Variants in ZNF638 observed in about 807,000 individuals in gnomAD.
ZNF638 encodes zinc finger protein 638, also known as CTCL tumor antigen se33-1.
Under a neutral mutation model 195.6 loss-of-function variants are expected in ZNF638, and 46 were observed. The observed-to-expected ratio is 0.24, with a 90% CI of 0.19 to 0.30. The LOEUF is 0.30. ZNF638 is among the 10% of genes least tolerant of loss of function. The pLI, the probability that ZNF638 is intolerant of heterozygous loss-of-function variation, is 1.00. For missense variants in ZNF638, 2,440 were observed against 2,325.3 expected (o/e 1.05, Z -1.01); for synonymous variants, 845 against 772.0 (o/e 1.09, Z -1.57).
chr2:71,431,082 C>A (rs922278374), intron 25 of ZNF638: 5 of 362,358 alleles, frequency 1.4e-5, no homozygotes, highest in African/African-American at 1.0e-4. Flanking sequence ...TAAATTCTGC[C>A]TGGAACATAT....
chr2:71,350,551 A>G (rs2078922733), intron 2 of ZNF638, among the ~76,000 whole-genome samples: 1 of 152,230 alleles, frequency 6.6e-6, no homozygotes. Context: ...CATAAAATTT[A>G]TGTAACATAA....
In ZNF638 at chr2:71,434,868, T is replaced by C. The variant is rs1017092754; in HGVS notation, c.*61T>C. 13 of 1,409,022 alleles carry C rather than the reference T, an allele frequency of 9.2e-6. No individual in the cohort carries two copies. The African/African-American group carries it at 1.9e-4, about 21-fold the overall frequency. 87.3% of individuals were successfully genotyped at this position (1,409,022 alleles called of 1,614,324 possible). A position where few individuals can be genotyped will look rare whatever the true frequency, so the allele number is the denominator to read the frequency against. On this transcript the variant is annotated 3_prime_UTR_variant, in exon 28 of 28. Transcript: ENST00000264447. Reference sequence around the variant, plus strand: ...TAGGGTCCAGTTGATTTGTGTATTTTTGTTATCATTTAATTTGTAATTTTC... The same window carrying C: ...TAGGGTCCAGTTGATTTGTGTATTTCTGTTATCATTTAATTTGTAATTTTC...
At chr2:71,417,098 A>C (rs2080311778) in intron 20 of ZNF638, among the ~76,000 whole-genome samples, 1 of 124,870 alleles carries the variant, frequency 8.0e-6, no homozygotes, top group African/African-American at 3.1e-5. Flanking sequence ...TTGCAGTTTG[A>C]TCTCAGAGTG....
Position 71,332,772 on chromosome 2 carries a change from G to C in ZNF638, c.-203+897G>C, listed in dbSNP as rs558343962. The C allele has an allele frequency of 2.0e-5, 3 of 152,298 alleles. No individual in the cohort carries two copies. The South Asian group carries it at 6.2e-4, about 32-fold the overall frequency. The allele number at this position is 152,298 out of a possible 1,614,324, so 9.4% of individuals were successfully genotyped here. A position where few individuals can be genotyped will look rare whatever the true frequency, so the allele number is the denominator to read the frequency against. ...TCAGTATTACAAAATCATGGATTGA[G>C]CTATAGAGTGAAGGCTACCTGAAGC... is the stretch of plus-strand genomic sequence containing the variant. On this transcript the variant is annotated intron_variant, in intron 1 of 27. Coordinates refer to ENST00000264447, the MANE Select transcript of ZNF638 (RefSeq NM_014497.5).
intron 20 of ZNF638, chr2:71,408,713 T>G: frequency 2.2e-6 from 1 of 451,688 alleles, no homozygotes; most frequent in Non-Finnish European, 4.5e-6. Flanking sequence ...ATAGTCCACC[T>G]TTGAAAGCAT....
At chr2:71,399,051 C>CT (rs1283217913) in intron 12 of ZNF638, among the ~76,000 whole-genome samples, 1 of 152,128 alleles carries the variant, frequency 6.6e-6, no homozygotes, top group East Asian at 1.9e-4. Context: ...ATGGTTTAAT[C>CT]TTTGTTTCCT....
chr2:71,423,291 A>G lies in ZNF638; in HGVS notation c.3777A>G (p.Val1259=). ...TTTCTGGAATTACACAGACTATGGTAGAAGCTGTAGCTGAAGTAGAAAAAA... is the reference window on the plus strand; with the variant it reads ...TTTCTGGAATTACACAGACTATGGTGGAAGCTGTAGCTGAAGTAGAAAAAA... ...DFISGITQTM[V]EAVAEVEKNE... The change falls in exon 22 of 28, where the codon GTA becomes GTG. Residue 1259 remains valine, a synonymous_variant. Coordinates refer to ENST00000264447, the MANE Select transcript of ZNF638 (RefSeq NM_014497.5). 2 of 1,614,044 alleles carry G rather than the reference A, an allele frequency of 1.2e-6. No homozygotes were observed. The highest frequency in any genetic ancestry group is 1.7e-6 in the Non-Finnish European group (2 of 1,179,990).
intron 22 of ZNF638, 74 bp from the exon 23 acceptor site, chr2:71,424,576 T>G (rs938512065): frequency 1.5e-6 from 2 of 1,306,042 alleles, no homozygotes; most frequent in Non-Finnish European, 2.1e-6. Context: ...TTTTTGTTTT[T>G]TGTTTTTTTT....
At chr2:71,419,958 T>TCCCCCC (rs148198725) in intron 21 of ZNF638, among the ~76,000 whole-genome samples, 11 of 26,570 alleles carry the variant, frequency 4.1e-4, no homozygotes, top group Admixed American at 1.8e-3. Flanking sequence ...ACTTCTTAAT[T>TCCCCCC]CCCACCCCCC....
At chr2:71,421,591 A>G (rs1295240797) in intron 21 of ZNF638, among the ~76,000 whole-genome samples, 1 of 152,168 alleles carries the variant, frequency 6.6e-6, no homozygotes, top group Non-Finnish European at 1.5e-5. Context: ...GCACACAGAT[A>G]TACACCATCT....
At chr2:71,378,001 A>T (rs17749725) in intron 8 of ZNF638, among the ~76,000 whole-genome samples, 9 of 152,114 alleles carry the variant, frequency 5.9e-5, no homozygotes, top group Middle Eastern at 6.8e-3. Context: ...ATTTATTCTC[A>T]GACATGCATG....
intron 20 of ZNF638, among the ~76,000 whole-genome samples, chr2:71,417,507 T>A (rs2080324941): frequency 6.6e-6 from 1 of 152,234 alleles, no homozygotes; most frequent in Non-Finnish European, 1.5e-5. Flanking sequence ...CTCCCTGAGT[T>A]TTTTAAAAGG....
chr2:71,349,771 G>T lies in ZNF638; in HGVS notation c.817G>T (p.Asp273Tyr). The T allele has an allele frequency of 6.2e-7, 1 of 1,614,138 alleles. No individual in the cohort carries two copies. The highest frequency in any genetic ancestry group is 8.5e-7 in the Non-Finnish European group (1 of 1,180,034). Residue 273 changes from aspartate to tyrosine, a missense_variant, in exon 2 of 28, where the codon GAC (aspartate) becomes TAC (tyrosine). Asp to Tyr is a radical substitution (Grantham distance 160). Coordinates refer to ENST00000264447, the MANE Select transcript of ZNF638 (RefSeq NM_014497.5). ...TGTTGAAGACGTATTTCGCCAAATGGACTTCCCCGGTGAGTCCTCCAATAA... is the reference window on the plus strand; with the variant it reads ...TGTTGAAGACGTATTTCGCCAAATGTACTTCCCCGGTGAGTCCTCCAATAA... ...FPVEDVFRQM[D>Y]FPGESSNNRS... is the part of the protein sequence containing the mutation.
intron 24 of ZNF638, among the ~76,000 whole-genome samples, chr2:71,427,786 T>C (rs561686610): frequency 6.6e-6 from 1 of 152,316 alleles, no homozygotes; most frequent in South Asian, 2.1e-4. Context: ...AGACTTAGAA[T>C]TAAGAACTAT....
chr2:71,356,693 G>A (rs2079029057), intron 3 of ZNF638, among the ~76,000 whole-genome samples: 1 of 152,046 alleles, frequency 6.6e-6, no homozygotes, highest in Non-Finnish European at 1.5e-5. Flanking sequence ...GGAGGCTGAG[G>A]TGGTAGCATC....
intron 1 of ZNF638, among the ~76,000 whole-genome samples, chr2:71,333,647 G>GT (rs1381379955): frequency 6.6e-6 from 1 of 152,218 alleles, no homozygotes; most frequent in African/African-American, 2.4e-5. Flanking sequence ...GAGACAAGTA[G>GT]TTTAGTGGAA....
chr2:71,395,660 A>T, intron 10 of ZNF638: 1 of 514,668 alleles, frequency 1.9e-6, no homozygotes, highest in Non-Finnish European at 3.7e-6. Context: ...TTAAATCTGT[A>T]CTGAATAAAT....
At position 71,405,661 on chromosome 2, in the gene ZNF638, T is replaced by C; in HGVS notation, c.3000+19T>C. 1 of 1,489,242 alleles carries C rather than the reference T, an allele frequency of 6.7e-7. No homozygotes were observed. Among genetic ancestry groups the C allele is most frequent in the Non-Finnish European group, 9.2e-7 (1 of 1,087,212 alleles). 92.3% of individuals were successfully genotyped at this position (1,489,242 alleles called of 1,614,324 possible). ...CCCAGAGGTAAGTTTTGCATTTAAA[T>C]GCTTTTGTATACTTATTTAATTGAT... is the stretch of plus-strand genomic sequence containing the variant. On this transcript the variant is annotated intron_variant, in intron 18 of 27. Transcript: ENST00000264447.
At chr2:71,381,656 T>A (rs2079536935) in intron 10 of ZNF638, among the ~76,000 whole-genome samples, 1 of 152,132 alleles carries the variant, frequency 6.6e-6, no homozygotes, top group Non-Finnish European at 1.5e-5. Context: ...AAAGAGTAAT[T>A]TCTGAAAGAA....
Sources: gnomAD v4.1 joint callset for allele counts (sites outside exome capture counted in the v4.1 genomes callset) on GRCh38, gnomAD v4.1.1 for gene constraint, MANE v1.5 for transcripts, NCBI Gene and HGNC (gene_info 2026-07-23, HGNC 2026-07-21) for gene names.